RNF17: variants seen among roughly 807,000 people sequenced by gnomAD.
RNF17 encodes ring finger protein 17.
Under a neutral mutation model 200.5 loss-of-function variants are expected in RNF17, and 31 were observed. That is an observed-to-expected ratio of 0.15 (90% CI 0.12 to 0.21). The LOEUF (loss-of-function observed/expected upper bound fraction) is 0.21, where lower values mean the gene tolerates loss of function less well. Among genes scored for constraint, RNF17 ranks in the 10% least tolerant of loss-of-function variants. RNF17 has a pLI of 1.00. For missense variants in RNF17, 1,628 were observed against 1,905.1 expected, an observed-to-expected ratio of 0.85 and a Z score of 2.71; for synonymous variants, 606 against 637.8, an observed-to-expected ratio of 0.95 and a Z score of 0.75.
At chr13:24,759,219 G>A (rs1593179433), upstream of RNF17, among the ~76,000 whole-genome samples, 1 of 152,038 alleles carries the variant, frequency 6.6e-6, no homozygotes, top group Non-Finnish European at 1.5e-5. Context: ...TATGGAGACA[G>A]AAGAGGTCAA....
chr13:24,882,001 T>G (rs113316760), downstream of RNF17, among the ~76,000 whole-genome samples: 2,365 of 17,884 alleles, frequency 0.13, 397 homozygotes, highest in South Asian at 0.23. Context: ...GATACATCTA[T>G]ATAGATATAT....
At chr13:24,764,513 T>G (rs1879280838) in intron 1 of RNF17, 180 bp downstream of exon 1, 2 of 480,518 alleles carry the variant, frequency 4.2e-6, no homozygotes, top group Admixed American at 6.4e-5. Flanking sequence ...CTTGGGTTGG[T>G]TAAGGGCAGC....
rs750139413 is a variant in RNF17, at chr13:24,771,321, A to ATTTTTT, written c.226-3491_226-3490insTTTTTT. ...AGGGGAGTACCACTGCACACAGATAATCTTTTTTTTTTTTTTTTTTTTTTT... is the reference window on the plus strand; with the variant it reads ...AGGGGAGTACCACTGCACACAGATAATTTTTTTCTTTTTTTTTTTTTTTTTTTTTTT... On this transcript the variant is annotated intron_variant, in intron 2 of 35. Transcript: ENST00000255324. 8.2e-5 allele frequency among the ~76,000 whole-genome samples: 6 copies of ATTTTTT among 72,944 alleles called. No homozygotes were observed. In the East Asian group the frequency reaches 2.7e-3, roughly 32 times the overall value. The allele number at this position is 72,944 out of a possible 152,430, so 47.9% of individuals were successfully genotyped here.
chr13:24,774,476 C>T (rs374939052), intron 2 of RNF17, among the ~76,000 whole-genome samples: 32 of 152,382 alleles, frequency 2.1e-4, no homozygotes, highest in South Asian at 1.0e-3. Flanking sequence ...TCCCAAAGTG[C>T]TAGGATTACG....
chr13:24,874,613 T>C (rs9511495), intron 33 of RNF17, among the ~76,000 whole-genome samples: 35,074 of 151,958 alleles, frequency 0.23, 4,505 homozygotes, highest in Non-Finnish European at 0.29. Context: ...GGTTTCGCCA[T>C]GTTGGCCAGG....
At chr13:24,765,022 A>G (rs1339844103) in intron 1 of RNF17, among the ~76,000 whole-genome samples, 2 of 150,662 alleles carry the variant, frequency 1.3e-5, no homozygotes, top group Non-Finnish European at 2.9e-5. Flanking sequence ...ATTTATTATT[A>G]TTTTTTTCTT....
intron 22 of RNF17, among the ~76,000 whole-genome samples, chr13:24,846,612 C>T (rs9581194): frequency 0.2 from 29,800 of 152,042 alleles, 3,184 homozygotes; most frequent in South Asian, 0.32. Context: ...GGTATCCAAA[C>T]TTTTGGTTTC....
At chr13:24,846,107 T>G (rs1262923496) in intron 22 of RNF17, among the ~76,000 whole-genome samples, 1 of 152,154 alleles carries the variant, frequency 6.6e-6, no homozygotes, top group African/African-American at 2.4e-5. Flanking sequence ...AATTTTGCAG[T>G]TTTTCCTGCC....
downstream of RNF17, chr13:24,883,399 T>TAA: frequency 3.6e-6 from 5 of 1,407,236 alleles, no homozygotes; most frequent in Non-Finnish European, 4.8e-6. Flanking sequence ...TATGATTTCT[T>TAA]AAAAAAAAAA....
chr13:24,875,617 A>G (rs1268278591), intron 33 of RNF17, among the ~76,000 whole-genome samples: 1 of 152,170 alleles, frequency 6.6e-6, no homozygotes, highest in Non-Finnish European at 1.5e-5. Context: ...TTCAATGGAA[A>G]CTGTAGACAA....
chr13:24,766,088 G>A (rs959592457), intron 1 of RNF17, among the ~76,000 whole-genome samples: 1 of 152,194 alleles, frequency 6.6e-6, no homozygotes, highest in African/African-American at 2.4e-5. Flanking sequence ...AAATTAGCTA[G>A]GCGTGCTGAC....
intron 25 of RNF17, among the ~76,000 whole-genome samples, chr13:24,855,707 C>T (rs1465774946): frequency 6.6e-6 from 1 of 152,076 alleles, no homozygotes; most frequent in Non-Finnish European, 1.5e-5. Context: ...AGTTTACACT[C>T]ATCACTACCA....
At chr13:24,749,993 C>T in the RNF17 span, among the ~76,000 whole-genome samples, 14 of 152,156 alleles carry the variant, frequency 9.2e-5, no homozygotes, top group Non-Finnish European at 1.9e-4. Context: ...CTCAAGTGAT[C>T]CACCTACCTT....
rs779391952 is a variant in RNF17 at position 24,796,194 on chromosome 13, G to A, written c.1298G>A (p.Arg433Gln). ...ATAGATCCTTGCCATTTCTACATTC[G>A]GAAGTATTCACAAATAAAAGACGCC... The part of the protein sequence containing the change: ...HVIDPCHFYI[R>Q]KYSQIKDAKV... Residue 433 changes from arginine to glutamine, a missense_variant, in exon 11 of 36, where the codon CGG becomes CAG. Physicochemically the swap from Arg to Gln is conservative, Grantham distance 43. Transcript: ENST00000255324. 22 of 1,612,066 alleles carry A rather than the reference G, an allele frequency of 1.4e-5. No individual in the cohort carries two copies. The East Asian group carries it at 3.3e-4, about 25-fold the overall frequency.
In RNF17 at chr13:24,870,680, C is replaced by A; in HGVS notation, c.4388C>A (p.Ala1463Glu). Residue 1463 changes from alanine (A) to glutamate (E), a missense_variant, in exon 32 of 36, where the codon GCA becomes GAA. Around this residue, in one of 5 missense-constraint regions of RNF17, gnomAD observed 609 missense variants for 681.9 expected, o/e 0.89. Transcript: ENST00000255324. ...TCAGAATCCGAGAGCCTTGATGAAG[C>A]ACTGCAGAGGGTTAATAAGAAGGTA... Reference protein sequence around the residue: ...GESESESLDEALQRVNKKVEA... With the variant: ...GESESESLDEELQRVNKKVEA... The A allele has an allele frequency of 1.2e-6, 2 of 1,614,138 alleles. No individual in the cohort carries two copies. The highest frequency in any genetic ancestry group is 1.7e-6 in the Non-Finnish European group (2 of 1,179,992).
At chr13:24,753,400 A>G in the RNF17 span, among the ~76,000 whole-genome samples, 5 of 152,190 alleles carry the variant, frequency 3.3e-5, no homozygotes, top group South Asian at 1.0e-3. Context: ...ATTAAAAGAG[A>G]CACTTCAGTG....
chr13:24,805,381 A>G (rs1370236219), intron 15 of RNF17, among the ~76,000 whole-genome samples: 1 of 152,160 alleles, frequency 6.6e-6, no homozygotes, highest in East Asian at 1.9e-4. Flanking sequence ...AGTCCCTGAT[A>G]AACTTCTGTT....
At chr13:24,888,534 C>CAAGTATGA in the RNF17 span, among the ~76,000 whole-genome samples, 1 of 152,062 alleles carries the variant, frequency 6.6e-6, no homozygotes, top group Non-Finnish European at 1.5e-5. Flanking sequence ...AAAGTCTGGC[C>CAAGTATGA]AGATCAAGTG....
At chr13:24,884,279 C>T, downstream of RNF17, 1 of 1,614,092 alleles carries the variant, frequency 6.2e-7, no homozygotes, top group Non-Finnish European at 8.5e-7. Flanking sequence ...GCCTTTTCTC[C>T]AGAGATGGTT....
Sources: allele counts gnomAD v4.1 joint callset (sites outside exome capture counted in the v4.1 genomes callset), GRCh38; gene constraint gnomAD v4.1.1; regional missense constraint gnomAD v4.1.1; transcripts MANE v1.5; gene names NCBI Gene and HGNC (gene_info 2026-07-23, HGNC 2026-07-21).